SIN3A: variants seen among roughly 807,000 people sequenced by gnomAD.
The protein encoded by SIN3A is SIN3 transcription regulator family member A.
SIN3A carries 14 observed loss-of-function variants against 146.1 expected under a neutral mutation model. That is an observed-to-expected ratio of 0.10 (90% CI 0.06 to 0.15). The LOEUF (loss-of-function observed/expected upper bound fraction) is 0.15, where lower values mean the gene tolerates loss of function less well. Ranked by LOEUF, SIN3A falls within the 10% of genes least tolerant of loss-of-function variation. SIN3A has a pLI of 1.00. For synonymous variants in SIN3A, 572 were observed against 572.0 expected (o/e 1.00, Z 0.00); for missense variants, 1,028 against 1,576.0 (o/e 0.65, Z 5.89).
intron 4 of SIN3A, among the ~76,000 whole-genome samples, chr15:75,413,317 C>T (rs887121807): frequency 1.3e-5 from 2 of 150,962 alleles, no homozygotes; most frequent in Non-Finnish European, 3.0e-5. Context: ...GGTGGGGTTT[C>T]ACCATGTTGG....
intron 12 of SIN3A, among the ~76,000 whole-genome samples, chr15:75,397,087 G>A (rs534515646): frequency 1.3e-5 from 2 of 152,316 alleles, no homozygotes; most frequent in African/African-American, 4.8e-5. Flanking sequence ...GTTCACTGTT[G>A]TAGCTGCGGG....
intron 18 of SIN3A, 86 bp downstream of exon 18, chr15:75,381,527 C>CT: frequency 9.6e-7 from 1 of 1,037,068 alleles, no homozygotes. Context: ...GTGCCTTGGC[C>CT]TTTTGGCAGA....
intron 14 of SIN3A, among the ~76,000 whole-genome samples, chr15:75,393,957 A>C (rs895691588): frequency 3.3e-5 from 5 of 152,028 alleles, no homozygotes; most frequent in African/African-American, 1.2e-4. Context: ...ACAGGTGCAC[A>C]CCACCACGCC....
chr15:75,419,195 T>C (rs1304656599), intron 3 of SIN3A: 1 of 152,226 alleles, frequency 6.6e-6, no homozygotes, highest in African/African-American at 2.4e-5. Context: ...TATACAAATA[T>C]CATGACAATT....
chr15:75,411,346 C>T, intron 6 of SIN3A, 146 bp downstream of exon 6: 1 of 941,668 alleles, frequency 1.1e-6, no homozygotes, highest in Admixed American at 2.5e-5. Context: ...AACAAACAAA[C>T]AAACTGGCTT....
intron 8 of SIN3A, among the ~76,000 whole-genome samples, chr15:75,408,612 G>C (rs2073565593): frequency 6.6e-6 from 1 of 152,224 alleles, no homozygotes; most frequent in Non-Finnish European, 1.5e-5. Flanking sequence ...AGCAAGCTAA[G>C]TTTTCTGCAG....
chr15:75,385,163 G>A (rs1235085959), intron 16 of SIN3A, among the ~76,000 whole-genome samples: 1 of 152,160 alleles, frequency 6.6e-6, no homozygotes, highest in Non-Finnish European at 1.5e-5. Context: ...CTGGGGTGAG[G>A]AAGGGAGCCT....
chr15:75,446,153 T>G (rs1301811496), intron 1 of SIN3A: 1 of 152,056 alleles, frequency 6.6e-6, no homozygotes, highest in Non-Finnish European at 1.5e-5. Context: ...TTTAGAATAG[T>G]AGGCAGTGAC....
chr15:75,398,151 G>A (rs4412948), intron 12 of SIN3A, among the ~76,000 whole-genome samples: 152,350 of 152,354 alleles, frequency 1, 76,173 homozygotes, highest in Middle Eastern at 1. Context: ...ATCCACACAA[G>A]TAAGCACAGC....
intron 16 of SIN3A, among the ~76,000 whole-genome samples, chr15:75,385,824 A>G (rs1368419571): frequency 6.6e-6 from 1 of 152,214 alleles, no homozygotes; most frequent in Non-Finnish European, 1.5e-5. Flanking sequence ...CAGAAAGGGC[A>G]GTATCTCCAG....
chr15:75,378,259 T>C (rs1381558404), intron 19 of SIN3A, among the ~76,000 whole-genome samples: 2 of 152,206 alleles, frequency 1.3e-5, no homozygotes, highest in Non-Finnish European at 2.9e-5. Context: ...ATATTCCAAC[T>C]AACCTTTAAG....
intron 1 of SIN3A, among the ~76,000 whole-genome samples, chr15:75,431,480 C>T (rs2074013282): frequency 6.6e-6 from 1 of 152,008 alleles, no homozygotes; most frequent in African/African-American, 2.4e-5. Context: ...GCATAACACA[C>T]CATCAGTGAG....
rs1483605049 is a variant in SIN3A at position 75,392,423 on chromosome 15, G to A, written c.2670C>T (p.Asn890=). 6.2e-7 allele frequency: 1 copy of A among 1,614,206 alleles called. No individual in the cohort carries two copies. Among genetic ancestry groups the A allele is most frequent in the Non-Finnish European group, 8.5e-7 (1 of 1,180,040 alleles). Reference sequence around the variant, plus strand: ...GCAGTCGCATAAAAATATACCAGTTGTTGTTGACATAGAAGAGGTTGTATA... The same window carrying A: ...GCAGTCGCATAAAAATATACCAGTTATTGTTGACATAGAAGAGGTTGTATA... The part of the protein sequence containing the change: ...DEVYNLFYVN[N]NWYIFMRLHQ... The change falls in exon 15 of 21, where the codon AAC becomes AAT. Residue 890 remains asparagine (N), a synonymous_variant. Coordinates refer to ENST00000394947, the MANE Select transcript of SIN3A (RefSeq NM_001145358.2).
intron 1 of SIN3A, among the ~76,000 whole-genome samples, chr15:75,445,759 GAAAAAAAA>G (rs774883850): frequency 2.3e-5 from 2 of 86,422 alleles, no homozygotes; most frequent in Non-Finnish European, 2.4e-5. Flanking sequence ...TCAAAAAAAA[GAAAAAAAA>G]AAAAAAAAAA....
intron 8 of SIN3A, among the ~76,000 whole-genome samples, chr15:75,408,295 G>T (rs1373751961): frequency 2.6e-5 from 4 of 152,178 alleles, no homozygotes; most frequent in Non-Finnish European, 4.4e-5. Flanking sequence ...TGAAGAAATA[G>T]AAACCATTAT....
chr15:75,424,198 C>T (rs542576088), intron 2 of SIN3A, among the ~76,000 whole-genome samples: 7 of 152,030 alleles, frequency 4.6e-5, no homozygotes, highest in African/African-American at 1.7e-4. Flanking sequence ...TTTGGGAGGC[C>T]GAGGTGGGCG....
chr15:75,454,337 A>C (rs530544369), upstream of SIN3A, among the ~76,000 whole-genome samples: 14 of 152,240 alleles, frequency 9.2e-5, no homozygotes, highest in Admixed American at 7.8e-4. Flanking sequence ...GAGAGAGGAA[A>C]GGGGTCCGCC....
chr15:75,432,756 T>G (rs1419917832), intron 1 of SIN3A, among the ~76,000 whole-genome samples: 1 of 150,470 alleles, frequency 6.6e-6, no homozygotes, highest in African/African-American at 2.4e-5. Context: ...AACAAAAACT[T>G]CATAGGCTGG....
intron 9 of SIN3A, among the ~76,000 whole-genome samples, chr15:75,404,198 T>C (rs186320597): frequency 1.4e-3 from 217 of 152,340 alleles, no homozygotes; most frequent in African/African-American, 5.0e-3. Context: ...CAGTAGACAC[T>C]ATATAGAATC....
Sources: allele counts gnomAD v4.1 joint callset (sites outside exome capture counted in the v4.1 genomes callset), GRCh38; gene constraint gnomAD v4.1.1; transcripts MANE v1.5; gene names NCBI Gene and HGNC (gene_info 2026-07-23, HGNC 2026-07-21).